The following KCNMA1 variants were observed in gnomAD, a reference collection of about 807,000 sequenced individuals.
KCNMA1 encodes the protein potassium calcium-activated channel subfamily M alpha 1.
KCNMA1 carries 29 observed loss-of-function variants against 140.0 expected under a neutral mutation model. The observed-to-expected ratio is 0.21, with a 90% CI of 0.15 to 0.28. KCNMA1 has a LOEUF of 0.28. Among genes scored for constraint, KCNMA1 ranks in the 10% least tolerant of loss-of-function variants. The pLI is 1.00. For synonymous variants in KCNMA1, 612 were observed against 611.9 expected (o/e 1.00, Z 0.00); for missense variants, 880 against 1,602.2 (o/e 0.55, Z 7.70).
At chr10:77,542,103 C>G (rs1443437680) in intron 1 of KCNMA1, among the ~76,000 whole-genome samples, 1 of 152,172 alleles carries the variant, frequency 6.6e-6, no homozygotes, top group East Asian at 1.9e-4. Context: ...TGCCTGGTCC[C>G]TTCCATCATG....
At chr10:77,481,481 T>G (rs949662779) in intron 1 of KCNMA1, among the ~76,000 whole-genome samples, 4 of 151,790 alleles carry the variant, frequency 2.6e-5, no homozygotes, top group African/African-American at 9.7e-5. Flanking sequence ...GTTTAGAAAC[T>G]AACAGGTGCC....
At chr10:76,875,349 T>C (rs532468350), downstream of KCNMA1, 1 of 152,198 alleles carries the variant, frequency 6.6e-6, no homozygotes, top group East Asian at 1.9e-4. Context: ...TTGGTTTTTT[T>C]GGGGGGGAGG....
intron 3 of KCNMA1, among the ~76,000 whole-genome samples, chr10:77,208,400 G>A (rs545636418): frequency 6.6e-6 from 1 of 152,128 alleles, no homozygotes; most frequent in Admixed American, 6.6e-5. Flanking sequence ...GAGGCGGGAC[G>A]ATCACTTGAG....
intron 1 of KCNMA1, among the ~76,000 whole-genome samples, chr10:77,501,392 C>T (rs1336361286): frequency 1.3e-5 from 2 of 152,230 alleles, no homozygotes; most frequent in Admixed American, 6.5e-5. Context: ...AACTCCTCTG[C>T]ACCCAATCCT....
At chr10:77,465,719 G>A (rs998407919) in intron 1 of KCNMA1, among the ~76,000 whole-genome samples, 2 of 152,174 alleles carry the variant, frequency 1.3e-5, no homozygotes, top group African/African-American at 4.8e-5. Context: ...TGGTCGAGGG[G>A]TAGCCTCTCC....
chr10:77,081,863 G>A (rs182329905), intron 12 of KCNMA1, among the ~76,000 whole-genome samples: 8 of 151,916 alleles, frequency 5.3e-5, no homozygotes, highest in African/African-American at 1.7e-4. Flanking sequence ...TGAGGAGGAA[G>A]GAGGATTATA....
intron 25 of KCNMA1, chr10:76,905,038 CTAATT>C (rs2047245013): frequency 6.6e-6 from 1 of 152,062 alleles, no homozygotes; most frequent in Non-Finnish European, 1.5e-5. Context: ...CCTTCTGACT[CTAATT>C]TAAAGAAGGC....
At chr10:77,244,437 A>G (rs1214231812) in intron 3 of KCNMA1, among the ~76,000 whole-genome samples, 4 of 152,236 alleles carry the variant, frequency 2.6e-5, no homozygotes, top group African/African-American at 9.6e-5. Flanking sequence ...TCTAGATGCC[A>G]TTGCCTACGA....
intron 2 of KCNMA1, chr10:77,373,063 A>C (rs948244162): frequency 2.6e-5 from 4 of 152,220 alleles, no homozygotes; most frequent in Non-Finnish European, 5.9e-5. Context: ...TCTGTTCAGG[A>C]GAAAAGATAA....
chr10:76,928,296 C>T, intron 23 of KCNMA1, among the ~76,000 whole-genome samples: 1 of 72,328 alleles, frequency 1.4e-5, no homozygotes, highest in Non-Finnish European at 3.8e-5. Context: ...CGCGCACACA[C>T]ACACACACAC....
At chr10:77,304,074 G>A (rs1198990648) in intron 2 of KCNMA1, among the ~76,000 whole-genome samples, 1 of 152,094 alleles carries the variant, frequency 6.6e-6, no homozygotes, top group East Asian at 1.9e-4. Flanking sequence ...TGTGTTGATG[G>A]GCCATAAGAA....
intron 2 of KCNMA1, among the ~76,000 whole-genome samples, chr10:77,331,986 G>C (rs2086615349): frequency 6.6e-6 from 1 of 152,038 alleles, no homozygotes; most frequent in Non-Finnish European, 1.5e-5. Flanking sequence ...GCACATAGAT[G>C]AGATCCACTC....
chr10:77,157,127 A>T (rs1268072939), intron 5 of KCNMA1, among the ~76,000 whole-genome samples: 1 of 152,078 alleles, frequency 6.6e-6, no homozygotes, highest in Non-Finnish European at 1.5e-5. Context: ...ATAAGCTTAA[A>T]CTTAACAGTT....
At chr10:77,545,708 C>A (rs7074134) in intron 1 of KCNMA1, among the ~76,000 whole-genome samples, 4 of 152,208 alleles carry the variant, frequency 2.6e-5, no homozygotes, top group Non-Finnish European at 4.4e-5. Flanking sequence ...ATATTCTGCT[C>A]CCTTGGTTTC....
chr10:77,604,731 C>T (rs2083816840), intron 1 of KCNMA1, among the ~76,000 whole-genome samples: 1 of 152,010 alleles, frequency 6.6e-6, no homozygotes, highest in Non-Finnish European at 1.5e-5. Context: ...ATCTCAGGTC[C>T]CTTTTAGAAA....
chr10:77,388,938 C>T (rs2095711959), intron 2 of KCNMA1, among the ~76,000 whole-genome samples: 1 of 152,172 alleles, frequency 6.6e-6, no homozygotes. Context: ...AGTGCTCCAA[C>T]TCTGGGGAAA....
intron 10 of KCNMA1, among the ~76,000 whole-genome samples, chr10:77,088,205 C>T (rs1400022900): frequency 1.3e-5 from 2 of 152,076 alleles, no homozygotes; most frequent in African/African-American, 4.8e-5. Flanking sequence ...AAGTGAGCCA[C>T]CCACCTTGCC....
chr10:77,142,131 G>A (rs766747260), intron 5 of KCNMA1, among the ~76,000 whole-genome samples: 4 of 152,168 alleles, frequency 2.6e-5, no homozygotes, highest in Non-Finnish European at 4.4e-5. Context: ...ACTTTGGGAG[G>A]CCGAGGCAGG....
chr10:76,910,073 A>G lies in KCNMA1; in HGVS notation c.3040T>C (p.Leu1014=). The G allele has an allele frequency of 6.2e-7, 1 of 1,614,110 alleles. No homozygotes were observed. The highest frequency in any genetic ancestry group is 8.5e-7 in the Non-Finnish European group (1 of 1,179,966). Residue 1014 remains leucine (L), a synonymous_variant, in exon 25 of 28, where the codon TTG becomes CTG. Transcript: ENST00000286628. Reference sequence around the variant, plus strand: ...GGGTCATCATCATCGTCTTGGTCCAAAAACTGAACATTAGTATCGTTCACT... The same window carrying G: ...GGGTCATCATCATCGTCTTGGTCCAGAAACTGAACATTAGTATCGTTCACT... The part of the protein sequence containing the change: ...ELVNDTNVQF[L]DQDDDDDPDT...
Sources: allele counts gnomAD v4.1 joint callset (sites outside exome capture counted in the v4.1 genomes callset), GRCh38; gene constraint gnomAD v4.1.1; transcripts MANE v1.5; gene names NCBI Gene and HGNC (gene_info 2026-07-23, HGNC 2026-07-21).